Variants in LRRC7 observed in about 807,000 individuals in gnomAD.
LRRC7 encodes the protein leucine rich repeat containing 7, also known as leucine-rich repeat-containing protein 7.
Under a neutral mutation model 175.7 loss-of-function variants are expected in LRRC7, and 23 were observed. The observed-to-expected ratio is 0.13, with a 90% CI of 0.09 to 0.19. The LOEUF is 0.19. Ranked by LOEUF, LRRC7 falls within the 10% of genes least tolerant of loss-of-function variation. The pLI is 1.00. For synonymous variants in LRRC7, 685 were observed against 680.9 expected, an observed-to-expected ratio of 1.01 and a Z score of -0.09; for missense variants, 1,354 against 1,904.7, an observed-to-expected ratio of 0.71 and a Z score of 5.38.
intron 8 of LRRC7, among the ~76,000 whole-genome samples, chr1:69,972,945 TA>T (rs1423048399): frequency 2.7e-5 from 4 of 146,420 alleles, no homozygotes; most frequent in African/African-American, 7.4e-5. Flanking sequence ...TTTATATATA[TA>T]TAAATACTAT....
At chr1:69,998,198 C>T (rs568588979) in intron 11 of LRRC7, among the ~76,000 whole-genome samples, 22 of 152,204 alleles carry the variant, frequency 1.4e-4, no homozygotes, top group African/African-American at 5.3e-4. Flanking sequence ...ATTTGATAAG[C>T]TTTGACGTAG....
At chr1:69,974,316 C>T (rs916665068) in intron 8 of LRRC7, among the ~76,000 whole-genome samples, 11 of 151,900 alleles carry the variant, frequency 7.2e-5, no homozygotes, top group East Asian at 1.9e-4. Context: ...AACATTTTTA[C>T]GTTGATTTTT....
intron 8 of LRRC7, among the ~76,000 whole-genome samples, chr1:69,931,986 A>C (rs1397459224): frequency 3.9e-5 from 6 of 152,198 alleles, no homozygotes; most frequent in African/African-American, 1.2e-4. Context: ...TCTTGGTGCC[A>C]TTGCATGAGA....
At chr1:69,745,874 A>G (rs529623536) in intron 2 of LRRC7, among the ~76,000 whole-genome samples, 8 of 151,970 alleles carry the variant, frequency 5.3e-5, no homozygotes, top group Admixed American at 5.3e-4. Context: ...TAATTTCAAA[A>G]TTCCTAATAA....
At chr1:69,707,082 G>C (rs538903917) in intron 2 of LRRC7, among the ~76,000 whole-genome samples, 2 of 152,008 alleles carry the variant, frequency 1.3e-5, no homozygotes, top group Non-Finnish European at 2.9e-5. Flanking sequence ...AGCAATAAGG[G>C]AATTAAGGGT....
In LRRC7 at chr1:69,572,158, TATC is replaced by T. The variant is rs553468705; in HGVS notation, c.2+3520_2+3522del. Among the ~76,000 whole-genome samples the T allele has an allele frequency of 2.1e-3, 324 of 152,270 alleles. 2 individuals carry two copies. Among genetic ancestry groups the T allele is most frequent in the Admixed American group, 5.6e-3 (85 of 15,302 alleles). On this transcript the variant is annotated intron_variant, in intron 1 of 26. Transcript: ENST00000651989. ...ACTAATTTTTATTGCCACGGAAAGA[TATC>T]ATTGGAGATGACTCTAGGCTCTTTG...
chr1:69,575,511 C>G (rs967669801), intron 1 of LRRC7, among the ~76,000 whole-genome samples: 1 of 152,000 alleles, frequency 6.6e-6, no homozygotes, highest in Non-Finnish European at 1.5e-5. Context: ...TAGGCAGACT[C>G]CTATGCTATA....
At chr1:69,927,769 C>T (rs947807895) in intron 7 of LRRC7, among the ~76,000 whole-genome samples, 12 of 152,070 alleles carry the variant, frequency 7.9e-5, no homozygotes, top group South Asian at 2.1e-4. Flanking sequence ...TCCTGTCGTT[C>T]GGAGTAGTTT....
At chr1:69,603,579 A>G (rs1010683774) in intron 1 of LRRC7, among the ~76,000 whole-genome samples, 1 of 152,188 alleles carries the variant, frequency 6.6e-6, no homozygotes, top group East Asian at 1.9e-4. Context: ...TTTTACAGAT[A>G]TTATACAAAT....
At chr1:69,833,776 G>A (rs1680807712) in intron 5 of LRRC7, among the ~76,000 whole-genome samples, 1 of 151,996 alleles carries the variant, frequency 6.6e-6, no homozygotes, top group Non-Finnish European at 1.5e-5. Flanking sequence ...GGTCAGTGGA[G>A]GCCTTGGTGA....
At chr1:69,830,914 TG>T (rs1680457658) in intron 5 of LRRC7, among the ~76,000 whole-genome samples, 1 of 151,888 alleles carries the variant, frequency 6.6e-6, no homozygotes. Flanking sequence ...GTTTTGTCAC[TG>T]GAACCTGAAA....
At chr1:69,585,988 GA>G (rs1646388551) in intron 1 of LRRC7, among the ~76,000 whole-genome samples, 2 of 152,140 alleles carry the variant, frequency 1.3e-5, no homozygotes, top group African/African-American at 4.8e-5. Flanking sequence ...TTCTTAAAAT[GA>G]AGAGACTATA....
chr1:70,066,552 A>G (rs657728), intron 23 of LRRC7, among the ~76,000 whole-genome samples: 116,789 of 151,878 alleles, frequency 0.77, 45,202 homozygotes, highest in African/African-American at 0.86. Context: ...TGTTGTATGT[A>G]TCAATAGTTC....
intron 7 of LRRC7, among the ~76,000 whole-genome samples, chr1:69,864,030 G>A (rs1458640330): frequency 5.3e-5 from 8 of 151,784 alleles, no homozygotes; most frequent in African/African-American, 9.7e-5. Flanking sequence ...TGCCTGATAC[G>A]TCTTTTTCTA....
chr1:70,050,242 T>C (rs1028257447), intron 22 of LRRC7, among the ~76,000 whole-genome samples: 1 of 152,086 alleles, frequency 6.6e-6, no homozygotes, highest in Admixed American at 6.6e-5. Context: ...AATTACTTGA[T>C]CAAATAGACA....
intron 7 of LRRC7, chr1:69,919,308 G>A (rs952483625): frequency 1.6e-5 from 9 of 552,726 alleles, no homozygotes; most frequent in Non-Finnish European, 2.6e-5. Context: ...AAATATGACC[G>A]TGTTCCAATA....
At chr1:70,052,528 AGTGTTAGCACTATTT>A (rs1660827508) in intron 22 of LRRC7, among the ~76,000 whole-genome samples, 1 of 152,118 alleles carries the variant, frequency 6.6e-6, no homozygotes, top group Non-Finnish European at 1.5e-5. Context: ...GCACTATGCC[AGTGTTAGCACTATTT>A]GGGTTTAGTG....
intron 16 of LRRC7, among the ~76,000 whole-genome samples, chr1:70,021,856 G>A (rs1265681059): frequency 6.6e-6 from 1 of 152,066 alleles, no homozygotes; most frequent in African/African-American, 2.4e-5. Context: ...ATGTTGGCAT[G>A]GCAACATCTT....
chr1:69,619,596 G>A (rs1377875655), intron 1 of LRRC7, among the ~76,000 whole-genome samples: 3 of 152,086 alleles, frequency 2.0e-5, no homozygotes, highest in African/African-American at 4.8e-5. Context: ...CAGACAGCTC[G>A]GACTTGGATA....
Sources: gnomAD v4.1 joint callset for allele counts (sites outside exome capture counted in the v4.1 genomes callset) on GRCh38, gnomAD v4.1.1 for gene constraint, MANE v1.5 for transcripts, NCBI Gene and HGNC (gene_info 2026-07-23, HGNC 2026-07-21) for gene names.